GNAO1: variants seen among roughly 807,000 people sequenced by gnomAD.
GNAO1 encodes the protein G protein subunit alpha o1, also known as guanine nucleotide-binding protein G(o) subunit alpha.
For missense variants in GNAO1, 166 were observed against 478.7 expected (o/e 0.35, Z 6.10); for synonymous variants, 164 against 180.7 (o/e 0.91, Z 0.74).
chr16:56,354,223 A>G lies in GNAO1; in HGVS notation c.878-643A>G, dbSNP rs752251995. Among the ~76,000 whole-genome samples, 3 of 152,222 alleles carry G rather than the reference A, an allele frequency of 2.0e-5. No homozygotes were observed. Among genetic ancestry groups the G allele is most frequent in the African/African-American group, 4.8e-5 (2 of 41,452 alleles). On this transcript the variant is annotated intron_variant, in intron 7 of 8. Coordinates refer to ENST00000262493, the MANE Select transcript of GNAO1 (RefSeq NM_020988.3). The surrounding 1 kb of genome is among the most constrained non-coding windows in gnomAD (Gnocchi z 4.3). ...CCTCAATTTGCTCATCTAGGAAGCA[A>G]AAGCGTTCATCTGTGGCCACTGCTG... is the stretch of plus-strand genomic sequence containing the variant.
chr16:56,220,907 C>T (rs1414212549), intron 2 of GNAO1, among the ~76,000 whole-genome samples: 1 of 152,102 alleles, frequency 6.6e-6, no homozygotes, highest in African/African-American at 2.4e-5. Context: ...GCCACCGCGA[C>T]CTGCTGATTT....
At chr16:56,350,053 G>A (rs2143697453) in intron 6 of GNAO1, among the ~76,000 whole-genome samples, 1 of 152,324 alleles carries the variant, frequency 6.6e-6, no homozygotes, top group Middle Eastern at 3.4e-3. Flanking sequence ...CTGGCACAGT[G>A]TGGGCCTCAG....
At chr16:56,277,076 T>A (rs1309432196) in intron 3 of GNAO1, 2 of 152,234 alleles carry the variant, frequency 1.3e-5, no homozygotes, top group Non-Finnish European at 2.9e-5. Context: ...CAGCTTTAAA[T>A]GTAAAATTTG....
At chr16:56,219,187 T>C (rs2036462330) in intron 2 of GNAO1, among the ~76,000 whole-genome samples, 1 of 152,202 alleles carries the variant, frequency 6.6e-6, no homozygotes, top group Non-Finnish European at 1.5e-5. Flanking sequence ...TGGTGCCCAA[T>C]GACCATACCT....
chr16:56,344,272 A>C (rs1231425884), intron 6 of GNAO1: 1 of 1,255,170 alleles, frequency 8.0e-7, no homozygotes, highest in Non-Finnish European at 1.0e-6. Context: ...CCTGCACCTG[A>C]TGACTCACTG....
At chr16:56,353,471 A>G (rs1393850180) in intron 7 of GNAO1, 2 of 152,374 alleles carry the variant, frequency 1.3e-5, no homozygotes, top group African/African-American at 4.8e-5. Flanking sequence ...CAGTGGCCCC[A>G]TGGAGTGCAA....
intron 2 of GNAO1, among the ~76,000 whole-genome samples, chr16:56,204,136 A>G (rs1436861827): frequency 6.6e-6 from 1 of 152,132 alleles, no homozygotes; most frequent in Non-Finnish European, 1.5e-5. Flanking sequence ...AGGAGAGAGT[A>G]TATCAGAGAA....
At chr16:56,319,973 C>T (rs757481963) in intron 3 of GNAO1, among the ~76,000 whole-genome samples, 1 of 152,154 alleles carries the variant, frequency 6.6e-6, no homozygotes, top group Non-Finnish European at 1.5e-5. Context: ...AGCTTTGAGC[C>T]ATTTATTTGT....
At chr16:56,348,710 G>A (rs531372953) in intron 6 of GNAO1, among the ~76,000 whole-genome samples, 1 of 152,352 alleles carries the variant, frequency 6.6e-6, no homozygotes, top group East Asian at 1.9e-4. Context: ...CAGGCAGCGT[G>A]CCGAGGGAGG....
At chr16:56,221,285 G>T (rs1217682729) in intron 2 of GNAO1, among the ~76,000 whole-genome samples, 2 of 151,982 alleles carry the variant, frequency 1.3e-5, no homozygotes, top group Non-Finnish European at 2.9e-5. Context: ...CTATGACAGG[G>T]GTTAGCAGTC....
At chr16:56,240,589 C>T (rs4783932) in intron 2 of GNAO1, among the ~76,000 whole-genome samples, 68,268 of 151,940 alleles carry the variant, frequency 0.45, 15,491 homozygotes, top group East Asian at 0.58. Context: ...ATCTGAGCCT[C>T]ATATCAGAAT....
chr16:56,260,572 T>C (rs574742467), intron 2 of GNAO1, among the ~76,000 whole-genome samples: 156 of 152,230 alleles, frequency 1.0e-3, no homozygotes, highest in Non-Finnish European at 1.8e-3. Flanking sequence ...ACAGCTGGGC[T>C]CTCCACAGGG....
chr16:56,318,196 C>CG (rs1164458917), intron 3 of GNAO1, among the ~76,000 whole-genome samples: 1 of 152,150 alleles, frequency 6.6e-6, no homozygotes, highest in African/African-American at 2.4e-5. Context: ...GAGGGAGGGG[C>CG]GGGGGGCTCT....
rs1596806020 is a variant in GNAO1, at chr16:56,222,953, T to C, written c.161+30337T>C. On this transcript the variant is annotated intron_variant, in intron 2 of 8. Transcript: ENST00000262493. The stretch of plus-strand genomic sequence containing the variant: ...GCAGCGTGGTTGAGTATCTGTGTTA[T>C]ATACAGAGACCCTGGTGCTAGAGCC... Among the ~76,000 whole-genome samples, 16 of 152,320 alleles carry C rather than the reference T, an allele frequency of 1.1e-4. No homozygotes were observed. The South Asian group carries it at 3.1e-3, about 30-fold the overall frequency.
At chr16:56,330,639 A>T (rs2037679662) in intron 4 of GNAO1, among the ~76,000 whole-genome samples, 1 of 152,012 alleles carries the variant, frequency 6.6e-6, no homozygotes, top group South Asian at 2.1e-4. Context: ...ATTTACTGCC[A>T]CCCACTCTGG....
intron 2 of GNAO1, among the ~76,000 whole-genome samples, chr16:56,251,802 G>C (rs1480991475): frequency 6.6e-6 from 1 of 152,150 alleles, no homozygotes; most frequent in Non-Finnish European, 1.5e-5. Flanking sequence ...GGGTCTGCCT[G>C]TCTCCCTCTC....
intron 3 of GNAO1, among the ~76,000 whole-genome samples, chr16:56,289,038 G>A (rs969648998): frequency 1.3e-5 from 2 of 152,230 alleles, no homozygotes; most frequent in South Asian, 2.1e-4. Flanking sequence ...AAAAAAGGGG[G>A]GGGGAGCGGA....
intron 2 of GNAO1, among the ~76,000 whole-genome samples, chr16:56,234,625 T>G (rs1383713532): frequency 6.6e-6 from 1 of 152,216 alleles, no homozygotes; most frequent in Non-Finnish European, 1.5e-5. Context: ...CATTTTCCCC[T>G]GTCCCTGGGT....
At chr16:56,269,856 G>C (rs1396799749) in intron 2 of GNAO1, among the ~76,000 whole-genome samples, 1 of 152,168 alleles carries the variant, frequency 6.6e-6, no homozygotes, top group Non-Finnish European at 1.5e-5. Flanking sequence ...CTATGATTCA[G>C]AGAAGGAGAA....
Sources: allele counts gnomAD v4.1 joint callset (sites outside exome capture counted in the v4.1 genomes callset), GRCh38; gene constraint gnomAD v4.1.1; non-coding constraint Gnocchi (gnomAD v3.1); transcripts MANE v1.5; gene names NCBI Gene and HGNC (gene_info 2026-07-23, HGNC 2026-07-21).